LSM8: variants seen among roughly 807,000 people sequenced by gnomAD.
LSM8 encodes LSM8 homolog, U6 small nuclear RNA associated.
LSM8 carries 14 observed loss-of-function variants against 15.0 expected under a neutral mutation model. That is an observed-to-expected ratio of 0.93 (90% CI 0.62 to 1.46). The LOEUF is 1.46. Among genes scored for constraint, LSM8 ranks in the 40% most tolerant of loss-of-function variants. LSM8 has a pLI of 0.00. For missense variants in LSM8, 90 were observed against 115.4 expected, an observed-to-expected ratio of 0.78 and a Z score of 1.01; for synonymous variants, 50 against 42.1, an observed-to-expected ratio of 1.19 and a Z score of -0.73.
At chr7:118,190,559 A>T (rs1476712415) in intron 3 of LSM8, 1 of 152,224 alleles carries the variant, frequency 6.6e-6, no homozygotes, top group Non-Finnish European at 1.5e-5. Context: ...GCAGCAAATC[A>T]GTCTCCCGCT....
In LSM8 at chr7:118,196,226, T is replaced by C. The variant is rs748883279; in HGVS notation, c.*4224T>C. 6.6e-6 allele frequency among the ~76,000 whole-genome samples: 1 copy of C among 152,010 alleles called. No homozygotes were observed. Among genetic ancestry groups the C allele is most frequent in the Non-Finnish European group, 1.5e-5 (1 of 68,036 alleles). On this transcript the variant is annotated 3_prime_UTR_variant, in exon 4 of 4. Transcript: ENST00000249299. ...AGTATTCTTGTGCTTGTGAAGCTTC[T>C]ATCTGTCTGTATCTACCTCAACCAA...
chr7:118,187,010 G>A (rs1808899931), intron 2 of LSM8, among the ~76,000 whole-genome samples: 1 of 152,080 alleles, frequency 6.6e-6, no homozygotes, highest in Admixed American at 6.5e-5. Context: ...AGCATCTTAA[G>A]TTCTAAAGTT....
chr7:118,202,793 C>G lies in LSM8; in HGVS notation c.*10791C>G, dbSNP rs766880713. 2.0e-5 allele frequency among the ~76,000 whole-genome samples: 3 copies of G among 151,868 alleles called. No individual in the cohort carries two copies. Among genetic ancestry groups the G allele is most frequent in the Non-Finnish European group, 4.4e-5 (3 of 67,896 alleles). ...ATTGTGCTAGTATAGAAGCAAGTAT[C>G]TCAGAGGCAGGTGAAAACAACTTCT... On this transcript the variant is annotated 3_prime_UTR_variant, in exon 4 of 4. Coordinates refer to ENST00000249299, the MANE Select transcript of LSM8 (RefSeq NM_016200.5).
At position 118,201,925 on chromosome 7, in the gene LSM8, T is replaced by G. The variant is rs575879057; in HGVS notation, c.*9923T>G. ...TCACAAGTAATCTTCCAGCACAAAT[T>G]TTATAAACAAATGCCCTGTGAATCT... On this transcript the variant is annotated 3_prime_UTR_variant, in exon 4 of 4. Coordinates refer to ENST00000249299, the MANE Select transcript of LSM8 (RefSeq NM_016200.5). Among the ~76,000 whole-genome samples the G allele has an allele frequency of 1.4e-4, 21 of 152,180 alleles. No individual in the cohort carries two copies. In the South Asian group the frequency reaches 4.4e-3, roughly 32 times the overall value.
rs1326013005 is a variant in LSM8, at chr7:118,188,259, C to T, written c.73-19C>T. ...AAACCAGAATATTTCTCTTTTTCTC[C>T]TGAATATTTTCTTTACAGGGAACAC... On this transcript the variant is annotated intron_variant, in intron 2 of 3. Transcript: ENST00000249299. 6.2e-7 allele frequency: 1 copy of T among 1,610,910 alleles called. No homozygotes were observed. Among genetic ancestry groups the T allele is most frequent in the South Asian group, 1.1e-5 (1 of 90,804 alleles).
rs1809038738 is a variant in LSM8 at position 118,194,263 on chromosome 7, C to G, written c.*2261C>G. 6.6e-6 allele frequency among the ~76,000 whole-genome samples: 1 copy of G among 152,030 alleles called. No homozygotes were observed. The highest frequency in any genetic ancestry group is 2.4e-5 in the African/African-American group (1 of 41,416). On this transcript the variant is annotated 3_prime_UTR_variant, in exon 4 of 4. Coordinates refer to ENST00000249299, the MANE Select transcript of LSM8 (RefSeq NM_016200.5). ...GTAATTACCTCTGTGCTTTGTGACT[C>G]AGGCACAATCTAAACCCAGCTTAAT...
rs1227465282 is a variant in LSM8, at chr7:118,184,164, C to T, written c.-60C>T. ...ATCCGCTGCCGGGTTCTGGCGCGCC[C>T]TTTCAGTTCTGCTTGCTGTCGGCAC... On this transcript the variant is annotated 5_prime_UTR_variant, in exon 1 of 4. Coordinates refer to ENST00000249299, the MANE Select transcript of LSM8 (RefSeq NM_016200.5). The T allele has an allele frequency of 1.6e-5, 24 of 1,542,946 alleles. No homozygotes were observed. The East Asian group carries it at 1.8e-4, about 11-fold the overall frequency.
At chr7:118,188,674 T>G (rs1409259511) in intron 3 of LSM8, 4 of 247,166 alleles carry the variant, frequency 1.6e-5, no homozygotes, top group African/African-American at 4.6e-5. Context: ...ACTAGTTAAG[T>G]AGCCTGGGTA....
rs2115934655 is a variant in LSM8, at chr7:118,196,526, A to G, written c.*4524A>G. 6.6e-6 allele frequency among the ~76,000 whole-genome samples: 1 copy of G among 152,162 alleles called. No individual in the cohort carries two copies. Among genetic ancestry groups the G allele is most frequent in the South Asian group, 2.1e-4 (1 of 4,830 alleles). ...GTTAACAGTATGCCATCTCCTACTT[A>G]CTGGCATCATCTGGGGAATGAAGGA... On this transcript the variant is annotated 3_prime_UTR_variant, in exon 4 of 4. Transcript: ENST00000249299.
rs934701572 is a variant in LSM8, at chr7:118,195,155, G to A, written c.*3153G>A. On this transcript the variant is annotated 3_prime_UTR_variant, in exon 4 of 4. Transcript: ENST00000249299. ...TTAAAAATTTTCTTGGGCCCTACTC[G>A]TTGTGGTTCAGCAGCTGTGTAATGG... Among the ~76,000 whole-genome samples the A allele has an allele frequency of 6.6e-6, 1 of 152,024 alleles. No individual in the cohort carries two copies. Among genetic ancestry groups the A allele is most frequent in the Non-Finnish European group, 1.5e-5 (1 of 67,990 alleles).
chr7:118,188,343 C>T lies in LSM8; in HGVS notation c.138C>T (p.Phe46=). Residue 46 remains phenylalanine (F), a synonymous_variant, in exon 3 of 4, where the codon TTC becomes TTT. Transcript: ENST00000249299. ...LILDESHERV[F]SSSQGVEQVV... ...TGGATGAAAGCCATGAACGAGTATT[C>T]AGCTCTTCACAGGGGGTAGAACAAG... is the stretch of plus-strand genomic sequence containing the variant. 6.2e-7 allele frequency: 1 copy of T among 1,613,178 alleles called. No individual in the cohort carries two copies. The highest frequency in any genetic ancestry group is 8.5e-7 in the Non-Finnish European group (1 of 1,179,180).
chr7:118,184,607 A>G (rs997723276), intron 1 of LSM8: 9 of 200,604 alleles, frequency 4.5e-5, no homozygotes, highest in African/African-American at 4.6e-5. Flanking sequence ...CGGCGACAAC[A>G]GTTTTGCAAA....
Position 118,195,862 on chromosome 7 carries a change from G to A in LSM8, c.*3860G>A, listed in dbSNP as rs570901688. 6.6e-6 allele frequency among the ~76,000 whole-genome samples: 1 copy of A among 152,146 alleles called. No homozygotes were observed. Among genetic ancestry groups the A allele is most frequent in the African/African-American group, 2.4e-5 (1 of 41,406 alleles). On this transcript the variant is annotated 3_prime_UTR_variant, in exon 4 of 4. Transcript: ENST00000249299. ...GATAAGGTAAAGCTATCTCCATTTA[G>A]ATTGATACCCATTAAATAGCATAGT... is the stretch of plus-strand genomic sequence containing the variant.
intron 1 of LSM8, chr7:118,184,904 T>A (rs1163137532): frequency 4.6e-5 from 7 of 152,232 alleles, no homozygotes; most frequent in African/African-American, 1.7e-4. Context: ...ACCGAATGCT[T>A]TTAATGATGC....
chr7:118,200,193 A>G lies in LSM8; in HGVS notation c.*8191A>G, dbSNP rs1809149078. ...ACAACCTAAGCATTGTGCAGTAGCC[A>G]TGAGGGACTAGGTATCCAAGTGCAC... On this transcript the variant is annotated 3_prime_UTR_variant, in exon 4 of 4. Transcript: ENST00000249299. 6.6e-6 allele frequency among the ~76,000 whole-genome samples: 1 copy of G among 152,164 alleles called. No individual in the cohort carries two copies. The highest frequency in any genetic ancestry group is 1.5e-5 in the Non-Finnish European group (1 of 68,014).
rs1318077043 is a variant in LSM8 at position 118,198,135 on chromosome 7, A to T, written c.*6133A>T. Among the ~76,000 whole-genome samples, 1 of 152,170 alleles carries T rather than the reference A, an allele frequency of 6.6e-6. No homozygotes were observed. Among genetic ancestry groups the T allele is most frequent in the Admixed American group, 6.5e-5 (1 of 15,272 alleles). ...GTGCAAAGGTAATGTGATGTTTTTA[A>T]TCACATATTTTAAAATTAAAAATTT... is the stretch of plus-strand genomic sequence containing the variant. On this transcript the variant is annotated 3_prime_UTR_variant, in exon 4 of 4. Transcript: ENST00000249299.
chr7:118,188,642 C>T (rs113298553), intron 3 of LSM8: 10 of 305,976 alleles, frequency 3.3e-5, no homozygotes, highest in African/African-American at 2.0e-4. Context: ...TAAACTTTTA[C>T]CTGAGATTTG....
At position 118,198,027 on chromosome 7, in the gene LSM8, C is replaced by T. The variant is rs1433641702; in HGVS notation, c.*6025C>T. On this transcript the variant is annotated 3_prime_UTR_variant, in exon 4 of 4. Transcript: ENST00000249299. Reference sequence around the variant, plus strand: ...TACTAAGAAGTAATTGATAGCATTCCCTGATAATTTTGGTGAAAAGAAAAA... The same window carrying T: ...TACTAAGAAGTAATTGATAGCATTCTCTGATAATTTTGGTGAAAAGAAAAA... Among the ~76,000 whole-genome samples, 1 of 151,954 alleles carries T rather than the reference C, an allele frequency of 6.6e-6. No homozygotes were observed.
At chr7:118,185,440 A>G (rs540478004) in intron 1 of LSM8, 2 of 515,980 alleles carry the variant, frequency 3.9e-6, no homozygotes, top group South Asian at 2.4e-5. Flanking sequence ...AGATGGGGGT[A>G]TCGCTGTGTT....
Sources: allele counts gnomAD v4.1 joint callset (sites outside exome capture counted in the v4.1 genomes callset), GRCh38; gene constraint gnomAD v4.1.1; transcripts MANE v1.5; gene names NCBI Gene and HGNC (gene_info 2026-07-23, HGNC 2026-07-21).